Variants in ZNF808 observed in about 807,000 individuals in gnomAD.
ZNF808 encodes zinc finger protein 808.
A neutral mutation model predicts 8.7 loss-of-function variants in ZNF808; 5 were observed. The ratio of observed to expected loss-of-function variants is 0.58; its 90% CI spans 0.30 to 1.21. The LOEUF (loss-of-function observed/expected upper bound fraction) is 1.21. Ranked by LOEUF, ZNF808 falls within the 50% of genes most tolerant of loss-of-function variation. ZNF808 has a pLI of 0.07. For missense variants in ZNF808, 1,103 were observed against 1,098.4 expected, an observed-to-expected ratio of 1.00 and a Z score of -0.06; for synonymous variants, 380 against 366.0, an observed-to-expected ratio of 1.04 and a Z score of -0.44.
intron 1 of ZNF808, among the ~76,000 whole-genome samples, chr19:52,528,272 C>A (rs1456081594): frequency 2.0e-5 from 3 of 152,184 alleles, no homozygotes; most frequent in Admixed American, 2.0e-4. Flanking sequence ...GGGCCCTGTC[C>A]TGTGACATGG....
At position 52,556,186 on chromosome 19, in the gene ZNF808, G is replaced by A. The variant is rs2059834435; in HGVS notation, c.*558G>A. 2 of 323,756 alleles carry A rather than the reference G, an allele frequency of 6.2e-6. No homozygotes were observed. The highest frequency in any genetic ancestry group is 2.2e-5 in the African/African-American group (1 of 45,368). The allele number at this position is 323,756 out of a possible 1,614,324, so 20.1% of individuals were successfully genotyped here. A position where few individuals can be genotyped will look rare whatever the true frequency, so the allele number is the denominator to read the frequency against. ...TTATGTTAAGAGGATGGGGCCAGGT[G>A]TGGTGGCTCAGGCCTGTAATCCCAG... is the stretch of plus-strand genomic sequence containing the variant. On this transcript the variant is annotated 3_prime_UTR_variant, in exon 5 of 5. Coordinates refer to ENST00000359798, the MANE Select transcript of ZNF808 (RefSeq NM_001039886.4).
In ZNF808 at chr19:52,553,559, T is replaced by G. The variant is rs201336743; in HGVS notation, c.643T>G (p.Ser215Ala). The G allele has an allele frequency of 1.2e-6, 2 of 1,614,150 alleles. No homozygotes were observed. Among genetic ancestry groups the G allele is most frequent in the Non-Finnish European group, 1.7e-6 (2 of 1,180,016 alleles). The stretch of plus-strand genomic sequence containing the variant: ...TAACTATGGGAATAATCCCCTGAAT[T>G]CTTCATTACTCCCACAAAAACAGGA... ...SNNYGNNPLN[S>A]SLLPQKQEVH... The change falls in exon 5 of 5, where the codon TCT becomes GCT. Residue 215 changes from serine to alanine, a missense_variant. Physicochemically the swap from Ser to Ala is moderately conservative, Grantham distance 99. Transcript: ENST00000359798.
At chr19:52,534,731 A>C (rs1159630648) in intron 2 of ZNF808, among the ~76,000 whole-genome samples, 3 of 152,046 alleles carry the variant, frequency 2.0e-5, no homozygotes, top group Non-Finnish European at 4.4e-5. Context: ...TCTACCAAAA[A>C]TATGAAAGTT....
At chr19:52,565,234 C>T (rs905443013), downstream of ZNF808, among the ~76,000 whole-genome samples, 3 of 152,108 alleles carry the variant, frequency 2.0e-5, no homozygotes, top group Non-Finnish European at 2.9e-5. Context: ...GCCAAGATCA[C>T]GCCAATGCAC....
At chr19:52,558,011 G>C (rs1018689333), downstream of ZNF808, among the ~76,000 whole-genome samples, 1 of 130,802 alleles carries the variant, frequency 7.6e-6, no homozygotes, top group Non-Finnish European at 1.6e-5. Context: ...GCGCGTCTAG[G>C]TGTGGCTTTT....
intron 2 of ZNF808, among the ~76,000 whole-genome samples, chr19:52,536,678 C>T (rs917865694): frequency 1.3e-5 from 2 of 152,020 alleles, no homozygotes; most frequent in African/African-American, 2.4e-5. Flanking sequence ...GGTGTCTTAC[C>T]CCAAACCCGC....
At chr19:52,552,732 A>G (rs112641421) in intron 4 of ZNF808, among the ~76,000 whole-genome samples, 3,162 of 142,124 alleles carry the variant, frequency 0.022, 98 homozygotes, top group African/African-American at 0.071. Context: ...ATTTATTTGT[A>G]CACAGTAAAT....
At chr19:52,558,299 T>G (rs1221487860), downstream of ZNF808, among the ~76,000 whole-genome samples, 1 of 151,592 alleles carries the variant, frequency 6.6e-6, no homozygotes, top group Non-Finnish European at 1.5e-5. Flanking sequence ...CCTGACCTCG[T>G]GATCCGCCTG....
Position 52,555,562 on chromosome 19 carries a change from A to G in ZNF808, c.2646A>G (p.Lys882=), listed in dbSNP as rs751368417. 2 of 1,613,592 alleles carry G rather than the reference A, an allele frequency of 1.2e-6. No individual in the cohort carries two copies. The highest frequency in any genetic ancestry group is 1.7e-6 in the Non-Finnish European group (2 of 1,179,772). Residue 882 remains lysine, a synonymous_variant, in exon 5 of 5, where the codon AAA becomes AAG. Coordinates refer to ENST00000359798, the MANE Select transcript of ZNF808 (RefSeq NM_001039886.4). ...CTTACAAGTGTAATGAGTGTGGCAA[A>G]GCCTTTAGTGACCGGTCAACACTTA... ...EKPYKCNECG[K]AFSDRSTLIH...
rs200449257 is a variant in ZNF808 at position 52,554,853 on chromosome 19, C to G, written c.1937C>G (p.Thr646Ser). 50 of 1,614,132 alleles carry G rather than the reference C, an allele frequency of 3.1e-5. No individual in the cohort carries two copies. Among genetic ancestry groups the G allele is most frequent in the Non-Finnish European group, 4.2e-5 (49 of 1,180,012 alleles). The part of the protein sequence containing the change: ...SQLARHTRIH[T>S]GEKTYKCNEC... Reference sequence around the variant, plus strand: ...CTGGCACGACATACAAGAATTCACACTGGAGAAAAAACTTACAAGTGTAAT... The same window carrying G: ...CTGGCACGACATACAAGAATTCACAGTGGAGAAAAAACTTACAAGTGTAAT... The change falls in exon 5 of 5, where the codon ACT (threonine) becomes AGT (serine). Residue 646 changes from threonine to serine, a missense_variant. By Grantham distance (58) the Thr-to-Ser change is moderately conservative (BLOSUM62 1). Coordinates refer to ENST00000359798, the MANE Select transcript of ZNF808 (RefSeq NM_001039886.4).
At chr19:52,542,965 G>C (rs563821461) in intron 2 of ZNF808, among the ~76,000 whole-genome samples, 11 of 150,946 alleles carry the variant, frequency 7.3e-5, no homozygotes, top group African/African-American at 1.2e-4. Context: ...TTTTGGGGGG[G>C]GGGTGGAGGC....
chr19:52,541,916 T>C (rs1227857733), intron 2 of ZNF808, among the ~76,000 whole-genome samples: 1 of 152,122 alleles, frequency 6.6e-6, no homozygotes, highest in African/African-American at 2.4e-5. Context: ...CAAACACATT[T>C]CCTTGCAGTC....
At chr19:52,533,931 T>G (rs532984396) in intron 2 of ZNF808, among the ~76,000 whole-genome samples, 3 of 143,738 alleles carry the variant, frequency 2.1e-5, no homozygotes, top group South Asian at 4.3e-4. Context: ...AAACATCAAA[T>G]GATTCCAATT....
At chr19:52,559,267 T>G (rs147342248), downstream of ZNF808, among the ~76,000 whole-genome samples, 52 of 152,264 alleles carry the variant, frequency 3.4e-4, no homozygotes, top group East Asian at 8.7e-3. Flanking sequence ...AGGAGAAAAC[T>G]GCCTTAGAGC....
At chr19:52,541,899 A>G (rs559976808) in intron 2 of ZNF808, among the ~76,000 whole-genome samples, 20 of 152,198 alleles carry the variant, frequency 1.3e-4, no homozygotes, top group African/African-American at 4.8e-4. Flanking sequence ...GTGGCTTTCT[A>G]AACCCCCAAA....
rs767468820 is a variant in ZNF808, at chr19:52,554,656, A to G, written c.1740A>G (p.Ser580=). 2.5e-6 allele frequency: 4 copies of G among 1,613,942 alleles called. No homozygotes were observed. Among genetic ancestry groups the G allele is most frequent in the African/African-American group, 1.3e-5 (1 of 74,902 alleles). The change falls in exon 5 of 5, where the codon TCA becomes TCG. Residue 580 remains serine, a synonymous_variant. Coordinates refer to ENST00000359798, the MANE Select transcript of ZNF808 (RefSeq NM_001039886.4). ...NECGKAFNQQ[S]HLSRHRRLHT... is the part of the protein sequence containing the mutation. ...GTGGGAAAGCTTTTAATCAACAATCACATCTTTCACGTCATCGTAGACTTC... is the reference window on the plus strand; with the variant it reads ...GTGGGAAAGCTTTTAATCAACAATCGCATCTTTCACGTCATCGTAGACTTC...
intron 2 of ZNF808, among the ~76,000 whole-genome samples, chr19:52,537,955 T>C (rs1362552562): frequency 1.4e-5 from 2 of 147,368 alleles, no homozygotes; most frequent in African/African-American, 5.1e-5. Flanking sequence ...CCTTTTCCCA[T>C]GGTGGGGTAG....
At position 52,527,682 on chromosome 19, in the gene ZNF808, A is replaced by G; in HGVS notation, c.-151A>G. 1 of 157,274 alleles carries G rather than the reference A, an allele frequency of 6.4e-6. No homozygotes were observed. The highest frequency in any genetic ancestry group is 1.4e-5 in the Non-Finnish European group (1 of 70,746). The allele number at this position is 157,274 out of a possible 1,614,324, so 9.7% of individuals were successfully genotyped here. A position where few individuals can be genotyped will look rare whatever the true frequency, so the allele number is the denominator to read the frequency against. On this transcript the variant is annotated 5_prime_UTR_variant, in exon 1 of 5. Transcript: ENST00000359798. ...GAGATTAACGCAAACCCGGAAGCGG[A>G]TCGGGTGGAGTGAAGGTCACGTCGC...
intron 4 of ZNF808, among the ~76,000 whole-genome samples, chr19:52,547,958 C>G (rs1273991773): frequency 1.3e-5 from 2 of 152,078 alleles, no homozygotes; most frequent in African/African-American, 2.4e-5. Flanking sequence ...AGGCTCGTCT[C>G]TAACTCCAGA....
Sources: gnomAD v4.1 joint callset for allele counts (sites outside exome capture counted in the v4.1 genomes callset) on GRCh38, gnomAD v4.1.1 for gene constraint, MANE v1.5 for transcripts, NCBI Gene and HGNC (gene_info 2026-07-23, HGNC 2026-07-21) for gene names.